TAFA1: variants seen among roughly 807,000 people sequenced by gnomAD.
TAFA1 encodes chemokine-like protein TAFA-1.
Under a neutral mutation model 18.5 loss-of-function variants are expected in TAFA1, and 4 were observed. The ratio of observed to expected loss-of-function variants is 0.22; its 90% CI spans 0.11 to 0.49. The LOEUF is 0.49. Ranked by LOEUF, TAFA1 falls within the 20% of genes least tolerant of loss-of-function variation. The probability of loss-of-function intolerance (pLI) is 0.98; values close to 1 mark genes in which losing one functional copy is unlikely to be tolerated. For synonymous variants in TAFA1, 56 were observed against 55.2 expected, an observed-to-expected ratio of 1.01 and a Z score of -0.06; for missense variants, 147 against 169.0, an observed-to-expected ratio of 0.87 and a Z score of 0.72.
intron 2 of TAFA1, among the ~76,000 whole-genome samples, chr3:68,409,957 A>G (rs2070680824): frequency 6.6e-6 from 1 of 152,112 alleles, no homozygotes; most frequent in Non-Finnish European, 1.5e-5. Context: ...CCCTTTTAAA[A>G]GAAACATTAT....
chr3:68,050,911 C>T (rs1054342321), intron 2 of TAFA1, among the ~76,000 whole-genome samples: 7 of 152,136 alleles, frequency 4.6e-5, no homozygotes, highest in Non-Finnish European at 8.8e-5. Context: ...TTTGACCCAC[C>T]AGCCACTGTT....
At chr3:68,061,028 C>G (rs1046061954) in intron 2 of TAFA1, among the ~76,000 whole-genome samples, 1 of 152,158 alleles carries the variant, frequency 6.6e-6, no homozygotes, top group Non-Finnish European at 1.5e-5. Context: ...CTTGCTGGCT[C>G]TCTCTGGATC....
intron 2 of TAFA1, among the ~76,000 whole-genome samples, chr3:68,312,908 A>C (rs1346982957): frequency 6.6e-6 from 1 of 152,230 alleles, no homozygotes; most frequent in East Asian, 1.9e-4. Context: ...TTTGACTTAC[A>C]GTTCCACATG....
intron 2 of TAFA1, among the ~76,000 whole-genome samples, chr3:68,195,291 C>A (rs1346992719): frequency 2.0e-5 from 3 of 149,260 alleles, no homozygotes; most frequent in African/African-American, 7.4e-5. Context: ...CAGGAAAATA[C>A]AACATAAGGC....
At chr3:68,249,291 C>T (rs774000929) in intron 2 of TAFA1, among the ~76,000 whole-genome samples, 29 of 152,156 alleles carry the variant, frequency 1.9e-4, no homozygotes, top group Non-Finnish European at 3.5e-4. Context: ...CCCTCACTAC[C>T]GGGCAGACCC....
chr3:68,183,240 A>G (rs2066226702), intron 2 of TAFA1, among the ~76,000 whole-genome samples: 2 of 152,132 alleles, frequency 1.3e-5, no homozygotes, highest in South Asian at 4.1e-4. Context: ...CAAGTATGAG[A>G]AGTGGAGCAA....
chr3:68,261,427 A>T (rs1001936214), intron 2 of TAFA1, among the ~76,000 whole-genome samples: 2 of 152,202 alleles, frequency 1.3e-5, no homozygotes, highest in African/African-American at 4.8e-5. Context: ...ATATACCCAA[A>T]GGATTATAAA....
chr3:68,453,556 T>C (rs1043473130), intron 3 of TAFA1, among the ~76,000 whole-genome samples: 4 of 152,326 alleles, frequency 2.6e-5, no homozygotes, highest in Admixed American at 2.6e-4. Flanking sequence ...TCTTTGTTCT[T>C]AATTATATTT....
intron 2 of TAFA1, among the ~76,000 whole-genome samples, chr3:68,013,694 T>A (rs758426782): frequency 1.3e-5 from 2 of 152,196 alleles, no homozygotes; most frequent in Non-Finnish European, 2.9e-5. Flanking sequence ...AAAGAGAAGA[T>A]GAATTTTGTT....
rs1268178621 is a variant in TAFA1, at chr3:68,318,609, G to T, written c.119-98671G>T. 3.3e-5 allele frequency among the ~76,000 whole-genome samples: 5 copies of T among 152,084 alleles called. No homozygotes were observed. In the South Asian group the frequency reaches 8.3e-4, roughly 25 times the overall value. ...AAATCTTAAATTGTTTTGATTTCTTGTTATGTTTTTCTTCTTCTTTGAGTG... is the reference window on the plus strand; with the variant it reads ...AAATCTTAAATTGTTTTGATTTCTTTTTATGTTTTTCTTCTTCTTTGAGTG... On this transcript the variant is annotated intron_variant, in intron 2 of 4. Transcript: ENST00000478136.
chr3:68,199,959 A>G (rs2066452890), intron 2 of TAFA1, among the ~76,000 whole-genome samples: 1 of 151,594 alleles, frequency 6.6e-6, no homozygotes, highest in Non-Finnish European at 1.5e-5. Context: ...ATCACTAAAT[A>G]TAATGTGAGC....
At chr3:68,054,870 C>T (rs2064514505) in intron 2 of TAFA1, among the ~76,000 whole-genome samples, 1 of 152,164 alleles carries the variant, frequency 6.6e-6, no homozygotes, top group South Asian at 2.1e-4. Flanking sequence ...AAGGTTATAG[C>T]ACTAGTTACA....
intron 2 of TAFA1, among the ~76,000 whole-genome samples, chr3:68,380,784 T>A (rs1445502326): frequency 2.0e-5 from 3 of 151,776 alleles, no homozygotes; most frequent in African/African-American, 7.3e-5. Context: ...TTAGATCCCA[T>A]TTGTCAATTT....
intron 2 of TAFA1, among the ~76,000 whole-genome samples, chr3:68,408,669 T>C (rs2070657002): frequency 6.6e-6 from 1 of 152,068 alleles, no homozygotes; most frequent in African/African-American, 2.4e-5. Flanking sequence ...TTTAATCATT[T>C]AGTAAATGTG....
intron 2 of TAFA1, among the ~76,000 whole-genome samples, chr3:68,405,591 A>G (rs1239141918): frequency 6.7e-6 from 1 of 148,760 alleles, no homozygotes; most frequent in Non-Finnish European, 1.5e-5. Flanking sequence ...TTCCAGCTAC[A>G]TGGGAGGCTG....
intron 2 of TAFA1, among the ~76,000 whole-genome samples, chr3:68,239,032 G>A (rs2066965337): frequency 6.6e-6 from 1 of 152,156 alleles, no homozygotes; most frequent in Admixed American, 6.5e-5. Context: ...ATACTTCAGT[G>A]AAATATCACT....
At chr3:68,233,985 G>T (rs1301904355) in intron 2 of TAFA1, among the ~76,000 whole-genome samples, 1 of 152,144 alleles carries the variant, frequency 6.6e-6, no homozygotes, top group Non-Finnish European at 1.5e-5. Flanking sequence ...AAAAGCAATG[G>T]TAATTGTGGA....
At chr3:68,385,636 T>C (rs1435353466) in intron 2 of TAFA1, among the ~76,000 whole-genome samples, 1 of 152,138 alleles carries the variant, frequency 6.6e-6, no homozygotes, top group South Asian at 2.1e-4. Context: ...AAGTGTTTGC[T>C]ATGACTAGAT....
chr3:68,287,498 A>T (rs569662519), intron 2 of TAFA1, among the ~76,000 whole-genome samples: 17 of 152,220 alleles, frequency 1.1e-4, no homozygotes, highest in African/African-American at 3.6e-4. Context: ...TTGCCTTCAC[A>T]GGACAGGGAG....
Sources: allele counts gnomAD v4.1 joint callset (sites outside exome capture counted in the v4.1 genomes callset), GRCh38; gene constraint gnomAD v4.1.1; transcripts MANE v1.5; gene names NCBI Gene and HGNC (gene_info 2026-07-23, HGNC 2026-07-21).